The following ST3GAL5 variants were observed in gnomAD, a reference collection of about 807,000 sequenced individuals.
The protein encoded by ST3GAL5 is lactosylceramide alpha-2,3-sialyltransferase.
A neutral mutation model predicts 46.1 loss-of-function variants in ST3GAL5; 25 were observed. The observed-to-expected ratio is 0.54, with a 90% CI of 0.40 to 0.76. ST3GAL5 has a LOEUF of 0.76. Among genes scored for constraint, ST3GAL5 ranks in the 30% least tolerant of loss-of-function variants. The pLI is 0.00. For missense variants in ST3GAL5, 431 were observed against 521.2 expected, an observed-to-expected ratio of 0.83 and a Z score of 1.69; for synonymous variants, 182 against 192.7, an observed-to-expected ratio of 0.94 and a Z score of 0.46.
intron 1 of ST3GAL5, among the ~76,000 whole-genome samples, chr2:85,868,948 G>A (rs954280474): frequency 2.4e-4 from 37 of 152,246 alleles, no homozygotes; most frequent in Admixed American, 2.4e-3. Flanking sequence ...AACAAAAAAC[G>A]ATCAGACTGC....
Position 85,840,008 on chromosome 2 carries a change from TTTTG to T in ST3GAL5, c.*132_*135del, listed in dbSNP as rs1681818790. 1 of 1,386,800 alleles carries T rather than the reference TTTTG, an allele frequency of 7.2e-7. No individual in the cohort carries two copies. Among genetic ancestry groups the T allele is most frequent in the Middle Eastern group, 2.2e-4 (1 of 4,604 alleles). 85.9% of individuals were successfully genotyped at this position (1,386,800 alleles called of 1,614,324 possible). On this transcript the variant is annotated 3_prime_UTR_variant, in exon 7 of 7. Transcript: ENST00000638572. ...AAAAAGTGGGAAGAGCTAAAATTTT[TTTTG>T]TGTTTTTAAATTAAAAGTTAAAAAC...
chr2:85,876,343 T>C (rs1253599254), intron 1 of ST3GAL5, among the ~76,000 whole-genome samples: 1 of 152,158 alleles, frequency 6.6e-6, no homozygotes, highest in Admixed American at 6.5e-5. Context: ...CTACAAGGAC[T>C]GCAGTCCCCT....
intron 3 of ST3GAL5, among the ~76,000 whole-genome samples, chr2:85,857,066 CAAAAAAAAA>C (rs373154047): frequency 2.8e-5 from 2 of 70,896 alleles, no homozygotes; most frequent in African/African-American, 6.0e-5. Flanking sequence ...CTGCCTCTAC[CAAAAAAAAA>C]AAAAAAAAAA....
In ST3GAL5 at chr2:85,839,940, A is replaced by G; in HGVS notation, c.*204T>C. 1.6e-6 allele frequency: 1 copy of G among 624,848 alleles called. No homozygotes were observed. Among genetic ancestry groups the G allele is most frequent in the Non-Finnish European group, 2.8e-6 (1 of 361,952 alleles). 38.7% of individuals were successfully genotyped at this position (624,848 alleles called of 1,614,324 possible). A position where few individuals can be genotyped will look rare whatever the true frequency, so the allele number is the denominator to read the frequency against. The stretch of plus-strand genomic sequence containing the variant: ...TCAATTCTTAAGTTTCATTTACAAA[A>G]TGGTGTGCAAAAACAAACACTGACC... On this transcript the variant is annotated 3_prime_UTR_variant, in exon 7 of 7. Transcript: ENST00000638572.
intron 1 of ST3GAL5, among the ~76,000 whole-genome samples, chr2:85,865,557 G>A (rs1057399450): frequency 9.2e-5 from 14 of 152,210 alleles, no homozygotes; most frequent in Non-Finnish European, 1.9e-4. Flanking sequence ...ATCCTGGAAG[G>A]TTTTCAAATA....
chr2:85,840,389 C>A lies in ST3GAL5; in HGVS notation c.1012G>T (p.Val338Phe). The A allele has an allele frequency of 2.5e-6, 4 of 1,613,890 alleles. No homozygotes were observed. Residue 338 changes from valine to phenylalanine, a missense_variant, in exon 7 of 7, where the codon GTC becomes TTC. By Grantham distance (50) the Val-to-Phe change is conservative. Coordinates refer to ENST00000638572, the MANE Select transcript of ST3GAL5 (RefSeq NM_003896.4). ...ACGGCAATGACACCGATTGTGGGGA[C>A]GTTCTGAGAAAGGGAAAAGAAGACC... ...QSRFWGRDKN[V>F]PTIGVIAVVL...
chr2:85,863,968 A>G (rs1289984461), intron 1 of ST3GAL5, among the ~76,000 whole-genome samples: 1 of 152,150 alleles, frequency 6.6e-6, no homozygotes, highest in Non-Finnish European at 1.5e-5. Flanking sequence ...GGCCTCCCAA[A>G]GTGCTGGGAT....
chr2:85,867,456 T>C, intron 1 of ST3GAL5: 2 of 657,260 alleles, frequency 3.0e-6, no homozygotes, highest in Non-Finnish European at 2.8e-6. Flanking sequence ...TAAAAATCTA[T>C]GCATCTACAC....
chr2:85,853,466 C>T (rs1328261504), intron 3 of ST3GAL5: 2 of 205,086 alleles, frequency 9.8e-6, no homozygotes, highest in East Asian at 1.2e-4. Flanking sequence ...CAGGGCCCCA[C>T]CCTTATGGCT....
In ST3GAL5 at chr2:85,839,872, A is replaced by G. The variant is rs113520234; in HGVS notation, c.*272T>C. On this transcript the variant is annotated 3_prime_UTR_variant, in exon 7 of 7. Coordinates refer to ENST00000638572, the MANE Select transcript of ST3GAL5 (RefSeq NM_003896.4). ...TTAAATTACTTTCTTAAAAATCAATACAACATCGTTACATACAATTCTCTT... is the reference window on the plus strand; with the variant it reads ...TTAAATTACTTTCTTAAAAATCAATGCAACATCGTTACATACAATTCTCTT... The G allele has an allele frequency of 1.9e-3, 943 of 489,420 alleles. 7 individuals are homozygous for G. Among genetic ancestry groups the G allele is most frequent in the African/African-American group, 0.016 (827 of 51,574 alleles). The allele number at this position is 489,420 out of a possible 1,614,324, so 30.3% of individuals were successfully genotyped here. A position where few individuals can be genotyped will look rare whatever the true frequency, so the allele number is the denominator to read the frequency against.
At chr2:85,878,676 C>A (rs1265523389) in intron 1 of ST3GAL5, among the ~76,000 whole-genome samples, 1 of 152,186 alleles carries the variant, frequency 6.6e-6, no homozygotes, top group African/African-American at 2.4e-5. Flanking sequence ...ATACACCAAG[C>A]ACTGGGAATA....
chr2:85,876,792 A>T (rs1463067764), intron 1 of ST3GAL5, among the ~76,000 whole-genome samples: 1 of 152,142 alleles, frequency 6.6e-6, no homozygotes. Context: ...CAGAGGAGAC[A>T]AAACAAATTC....
intron 3 of ST3GAL5, among the ~76,000 whole-genome samples, chr2:85,859,189 T>G (rs1684465535): frequency 6.6e-6 from 1 of 152,138 alleles, no homozygotes; most frequent in South Asian, 2.1e-4. Context: ...TCTCCTCAGC[T>G]GACCCAGACT....
chr2:85,867,359 CATATTAA>C (rs1685397952), intron 1 of ST3GAL5, among the ~76,000 whole-genome samples: 1 of 152,152 alleles, frequency 6.6e-6, no homozygotes, highest in Non-Finnish European at 1.5e-5. Context: ...CATTCATATG[CATATTAA>C]AGTTTGAGAA....
intron 1 of ST3GAL5, among the ~76,000 whole-genome samples, chr2:85,867,427 TAAG>T (rs2104113280): frequency 6.6e-6 from 1 of 152,286 alleles, no homozygotes; most frequent in South Asian, 2.1e-4. Flanking sequence ...CTGAAAAATA[TAAG>T]AAAAAGGCAG....
chr2:85,883,651 C>T (rs182979595), intron 1 of ST3GAL5, among the ~76,000 whole-genome samples: 144 of 152,230 alleles, frequency 9.5e-4, no homozygotes, highest in African/African-American at 3.1e-3. Context: ...GCCTAAAGAA[C>T]GCCAAGTGCA....
At chr2:85,882,072 G>T (rs907219395) in intron 1 of ST3GAL5, among the ~76,000 whole-genome samples, 1 of 152,246 alleles carries the variant, frequency 6.6e-6, no homozygotes, top group African/African-American at 2.4e-5. Flanking sequence ...TGTACAGCTT[G>T]GGCTGTGGCT....
Position 85,863,353 on chromosome 2 carries a change from G to A in ST3GAL5, c.206+9C>T, listed in dbSNP as rs199866359. Reference sequence around the variant, plus strand: ...CAGGGGGATCTACAGTCCCAGGGGCGGTACTTACTTGAGGATGTCTTTTAA... The same window carrying A: ...CAGGGGGATCTACAGTCCCAGGGGCAGTACTTACTTGAGGATGTCTTTTAA... On this transcript the variant is annotated intron_variant, in intron 2 of 6. Coordinates refer to ENST00000638572, the MANE Select transcript of ST3GAL5 (RefSeq NM_003896.4). The A allele has an allele frequency of 6.2e-5, 100 of 1,613,924 alleles. No homozygotes were observed. In the African/African-American group the frequency reaches 6.8e-4, roughly 11 times the overall value.
At chr2:85,857,422 A>G (rs1481474519) in intron 3 of ST3GAL5, among the ~76,000 whole-genome samples, 1 of 151,798 alleles carries the variant, frequency 6.6e-6, no homozygotes, top group African/African-American at 2.4e-5. Context: ...CTGTAATCCC[A>G]GCTACTCGGG....
Sources: gnomAD v4.1 joint callset for allele counts (sites outside exome capture counted in the v4.1 genomes callset) on GRCh38, gnomAD v4.1.1 for gene constraint, MANE v1.5 for transcripts, NCBI Gene and HGNC (gene_info 2026-07-23, HGNC 2026-07-21) for gene names.